FANCB: variants seen among roughly 807,000 people sequenced by gnomAD.
FANCB encodes the protein FA complementation group B, also known as Fanconi anemia group B protein.
In FANCB, 5 loss-of-function variants were observed where a neutral mutation model predicts 38.9. The ratio of observed to expected loss-of-function variants is 0.13; its 90% CI spans 0.07 to 0.27. The LOEUF (loss-of-function observed/expected upper bound fraction) is 0.27. FANCB is among the 10% of genes least tolerant of loss of function. FANCB has a pLI of 1.00. For synonymous variants in FANCB, 236 were observed against 215.4 expected, an observed-to-expected ratio of 1.10 and a Z score of -0.84; for missense variants, 573 against 602.7, an observed-to-expected ratio of 0.95 and a Z score of 0.52.
the FANCB span, among the ~76,000 whole-genome samples, chrX:14,825,125 C>T: frequency 8.9e-6 from 1 of 112,205 alleles, no homozygotes; most frequent in Non-Finnish European, 1.9e-5. Context: ...CTTCTCCAAC[C>T]ACTTTAAGAT....
At chrX:14,799,042 A>G in the FANCB span, among the ~76,000 whole-genome samples, 9 of 111,443 alleles carry the variant, frequency 8.1e-5, no homozygotes, top group African/African-American at 2.9e-4. Context: ...TAAACCACAT[A>G]CCTGCCAGCA....
At chrX:14,840,526 A>T (rs891963682), downstream of FANCB, among the ~76,000 whole-genome samples, 2 of 111,999 alleles carry the variant, frequency 1.8e-5, no homozygotes, top group African/African-American at 6.5e-5. Context: ...GAACTATGGG[A>T]AAGGAAGTTC....
rs1436345878 is a variant in FANCB at position 14,865,406 on chromosome X, T to C, written c.105A>G (p.Lys35=). The change falls in exon 3 of 10, where the codon AAA becomes AAG. Residue 35 remains lysine, a synonymous_variant. Transcript: ENST00000650831. ...FQLSKGNFAD[K]EPTKTPILHV... is the part of the protein sequence containing the mutation. ...GTAATATGGGTGTTTTTGTAGGCTC[T>C]TTATCTGCAAAATTTCCTTTAGACA... 1.7e-6 allele frequency: 2 copies of C among 1,208,297 alleles called. No individual in the cohort carries two copies.
At chrX:14,868,638 A>G (rs1229149815) in intron 2 of FANCB, among the ~76,000 whole-genome samples, 1 of 111,431 alleles carries the variant, frequency 9.0e-6, no homozygotes, top group African/African-American at 3.3e-5. Context: ...CAAAGCTACA[A>G]TTAGATAAGA....
chrX:14,702,885 C>T, the FANCB span, among the ~76,000 whole-genome samples: 18 of 111,336 alleles, frequency 1.6e-4, no homozygotes, highest in African/African-American at 5.9e-4. Context: ...GAGACAGGGG[C>T]CACCATACAG....
the FANCB span, among the ~76,000 whole-genome samples, chrX:14,796,659 T>TAC: frequency 0.038 from 1,396 of 36,872 alleles, 14 homozygotes; most frequent in African/African-American, 0.089. Flanking sequence ...TAAGTGCATA[T>TAC]ATACACACAC....
the FANCB span, among the ~76,000 whole-genome samples, chrX:14,763,208 T>C: frequency 8.9e-6 from 1 of 111,973 alleles, no homozygotes; most frequent in Non-Finnish European, 1.9e-5. Context: ...TATGCTGTTG[T>C]TCACCAAAGT....
At chrX:14,815,361 T>C in the FANCB span, among the ~76,000 whole-genome samples, 1 of 102,052 alleles carries the variant, frequency 9.8e-6, no homozygotes, top group African/African-American at 3.9e-5. Context: ...TAAAAAAAGA[T>C]GCCATAAAAG....
the FANCB span, among the ~76,000 whole-genome samples, chrX:14,759,967 T>C: frequency 1.6e-4 from 18 of 111,452 alleles, no homozygotes; most frequent in Non-Finnish European, 3.2e-4. Flanking sequence ...CTGAGAGATT[T>C]TGTCACCACC....
rs956380550 is a variant in FANCB, at chrX:14,849,654, C to T, written c.1496+851G>A. On this transcript the variant is annotated intron_variant, in intron 7 of 9. Coordinates refer to ENST00000650831, the MANE Select transcript of FANCB (RefSeq NM_001018113.3). ...GAGGGAGAGATACTTTGTTATTTAA[C>T]GAAATTTTTACCTATTCACTTTGGT... Among the ~76,000 whole-genome samples, 9 of 112,266 alleles carry T rather than the reference C, an allele frequency of 8.0e-5. 1 individual carries two copies. Among genetic ancestry groups the T allele is most frequent in the Admixed American group, 3.8e-4 (4 of 10,635 alleles).
At chrX:14,812,939 C>A in the FANCB span, among the ~76,000 whole-genome samples, 1 of 101,403 alleles carries the variant, frequency 9.9e-6, no homozygotes, top group African/African-American at 3.7e-5. Context: ...AAACCGAATC[C>A]AGCAGCACAT....
At chrX:14,852,458 C>T (rs1178459780) in intron 6 of FANCB, among the ~76,000 whole-genome samples, 10 of 110,785 alleles carry the variant, frequency 9.0e-5, no homozygotes, top group East Asian at 2.8e-4. Flanking sequence ...TGAGCCACCA[C>T]GCCCGGCCCT....
the FANCB span, among the ~76,000 whole-genome samples, chrX:14,781,405 G>C: frequency 9.0e-6 from 1 of 111,416 alleles, no homozygotes; most frequent in Non-Finnish European, 1.9e-5. Context: ...CTCTACTCCA[G>C]CCTGGGTGAT....
At chrX:14,701,819 A>G in the FANCB span, among the ~76,000 whole-genome samples, 1 of 112,342 alleles carries the variant, frequency 8.9e-6, no homozygotes, top group African/African-American at 3.2e-5. Flanking sequence ...TGCTTTACAG[A>G]TTTTTTGAAG....
At chrX:14,811,825 C>G in the FANCB span, among the ~76,000 whole-genome samples, 1 of 111,649 alleles carries the variant, frequency 9.0e-6, no homozygotes, top group African/African-American at 3.3e-5. Context: ...TAATAGACAT[C>G]TACGGAACTC....
the FANCB span, among the ~76,000 whole-genome samples, chrX:14,698,370 T>A: frequency 0.025 from 2,802 of 110,639 alleles, 63 homozygotes; most frequent in African/African-American, 0.074. Context: ...AATTTTTTTT[T>A]AATTATTTAA....
chrX:14,811,098 T>C, the FANCB span, among the ~76,000 whole-genome samples: 1 of 110,619 alleles, frequency 9.0e-6, no homozygotes, highest in Non-Finnish European at 1.9e-5. Context: ...ATAAAATACT[T>C]TACAGACAAG....
the FANCB span, among the ~76,000 whole-genome samples, chrX:14,805,040 T>C: frequency 1.8e-5 from 2 of 112,001 alleles, no homozygotes; most frequent in Non-Finnish European, 3.8e-5. Context: ...CCAGTCCTGA[T>C]TTTTCAGTGG....
At chrX:14,822,201 G>A in the FANCB span, among the ~76,000 whole-genome samples, 1 of 110,452 alleles carries the variant, frequency 9.1e-6, no homozygotes. Context: ...AGCAGTGCAA[G>A]CAACTGTACT....
Sources: allele counts gnomAD v4.1 joint callset (sites outside exome capture counted in the v4.1 genomes callset), GRCh38; gene constraint gnomAD v4.1.1; transcripts MANE v1.5; gene names NCBI Gene and HGNC (gene_info 2026-07-23, HGNC 2026-07-21).